Variants in FOXA3 observed in about 807,000 individuals in gnomAD.
The protein encoded by FOXA3 is hepatocyte nuclear factor 3-gamma.
In FOXA3, 11 loss-of-function variants were observed where a neutral mutation model predicts 16.9. That is an observed-to-expected ratio of 0.65 (90% CI 0.41 to 1.08). FOXA3 has a LOEUF of 1.08. Ranked by LOEUF, FOXA3 falls within the 50% of genes least tolerant of loss-of-function variation. The pLI is 0.00. For synonymous variants in FOXA3, 217 were observed against 203.3 expected (o/e 1.07, Z -0.57); for missense variants, 423 against 470.1 (o/e 0.90, Z 0.93).
chr19:45,865,810 A>G (rs995459240), intron 1 of FOXA3, among the ~76,000 whole-genome samples: 6 of 152,006 alleles, frequency 3.9e-5, no homozygotes, highest in South Asian at 2.1e-4. Context: ...AGGGAAAGGG[A>G]CTGGGAGTGT....
At position 45,872,328 on chromosome 19, in the gene FOXA3, G is replaced by A; in HGVS notation, c.323G>A (p.Gly108Glu). Residue 108 changes from glycine (G) to glutamate (E), a missense_variant, in exon 2 of 2, where the codon GGG (glycine) becomes GAG (glutamate). Gly to Glu is a moderately conservative substitution (Grantham distance 98). Transcript: ENST00000302177. This position sits in a 1 kb window ranked among gnomAD's most constrained non-coding sequence, Gnocchi z 4.5. Reference protein sequence around the residue: ...GLVHGKEMPKGYRRPLAHAKP... With the variant: ...GLVHGKEMPKEYRRPLAHAKP... ...GTGCACGGGAAGGAGATGCCGAAGG[G>A]GTATCGGCGGCCCCTGGCACACGCC... is the stretch of plus-strand genomic sequence containing the variant. 6.2e-7 allele frequency: 1 copy of A among 1,614,120 alleles called. No individual in the cohort carries two copies. The highest frequency in any genetic ancestry group is 8.5e-7 in the Non-Finnish European group (1 of 1,179,982).
At chr19:45,868,991 G>A (rs1972110222) in intron 1 of FOXA3, among the ~76,000 whole-genome samples, 1 of 152,184 alleles carries the variant, frequency 6.6e-6, no homozygotes, top group South Asian at 2.1e-4. Flanking sequence ...GCAGTGGCAC[G>A]ATCTTGGCTC....
At chr19:45,870,768 C>T (rs1239025308) in intron 1 of FOXA3, among the ~76,000 whole-genome samples, 1 of 151,888 alleles carries the variant, frequency 6.6e-6, no homozygotes, top group Non-Finnish European at 1.5e-5. Context: ...CAGGGTTTTG[C>T]CACGTTGCCA....
rs757162386 is a variant in FOXA3, at chr19:45,872,269, C to A, written c.264C>A (p.Ser88Arg). 1 of 1,611,244 alleles carries A rather than the reference C, an allele frequency of 6.2e-7. No individual in the cohort carries two copies. The highest frequency in any genetic ancestry group is 8.5e-7 in the Non-Finnish European group (1 of 1,177,798). Residue 88 changes from serine to arginine, a missense_variant, in exon 2 of 2, where the codon AGC becomes AGA. Around this residue, in one of 3 missense-constraint regions of FOXA3, gnomAD observed 170 missense variants for 153.9 expected, o/e 1.10. Coordinates refer to ENST00000302177, the MANE Select transcript of FOXA3 (RefSeq NM_004497.3). The surrounding 1 kb of genome is among the most constrained non-coding windows in gnomAD (Gnocchi z 4.5). ...FPGLGVSGGS[S>R]SSGYGAPGPG... ...GCCTGGGTGTCAGCGGTGGCAGCAG[C>A]AGCTCCGGGTACGGGGCCCCGGGTC...
At chr19:45,869,603 A>G (rs1972115557) in intron 1 of FOXA3, among the ~76,000 whole-genome samples, 1 of 152,162 alleles carries the variant, frequency 6.6e-6, no homozygotes, top group African/African-American at 2.4e-5. Flanking sequence ...TTTACAGTCA[A>G]CAGTGTCCTA....
intron 1 of FOXA3, among the ~76,000 whole-genome samples, chr19:45,868,729 G>T (rs1332958230): frequency 6.6e-6 from 1 of 152,158 alleles, no homozygotes; most frequent in African/African-American, 2.4e-5. Flanking sequence ...AGGCAGTGGG[G>T]AAAGGTCCAG....
intron 1 of FOXA3, among the ~76,000 whole-genome samples, chr19:45,867,759 G>A (rs1216831037): frequency 8.4e-6 from 1 of 119,730 alleles, no homozygotes; most frequent in Non-Finnish European, 1.6e-5. Flanking sequence ...CAGCCTGGGT[G>A]ACAGAGTGAG....
Position 45,872,542 on chromosome 19 carries a change from G to T in FOXA3, c.537G>T (p.Ala179=), listed in dbSNP as rs373998257. ...LSFNDCFVKV[A]RSPDKPGKGS... ...TCAACGACTGCTTCGTCAAGGTGGC[G>T]CGTTCCCCAGACAAGCCTGGCAAGG... Residue 179 remains alanine, a synonymous_variant, in exon 2 of 2, where the codon GCG becomes GCT. Transcript: ENST00000302177. This position sits in a 1 kb window ranked among gnomAD's most constrained non-coding sequence, Gnocchi z 4.5. 15 of 1,613,992 alleles carry T rather than the reference G, an allele frequency of 9.3e-6. No individual in the cohort carries two copies. In the Admixed American group the frequency reaches 2.5e-4, roughly 27 times the overall value.
chr19:45,864,630 C>G, intron 1 of FOXA3, 105 bp downstream of exon 1: 1 of 956,224 alleles, frequency 1.0e-6, no homozygotes, highest in Non-Finnish European at 1.4e-6. Flanking sequence ...GCAAAGGCGT[C>G]TACTTGGGCA....
Position 45,872,843 on chromosome 19 carries a change from A to C in FOXA3, c.838A>C (p.Thr280Pro). 3 of 1,613,572 alleles carry C rather than the reference A, an allele frequency of 1.9e-6. No homozygotes were observed. Among genetic ancestry groups the C allele is most frequent in the Non-Finnish European group, 8.5e-7 (1 of 1,180,002 alleles). The change falls in exon 2 of 2, where the codon ACA becomes CCA. Residue 280 changes from threonine to proline, a missense_variant. By Grantham distance (38) the Thr-to-Pro change is conservative. Coordinates refer to ENST00000302177, the MANE Select transcript of FOXA3 (RefSeq NM_004497.3). This position sits in a 1 kb window ranked among gnomAD's most constrained non-coding sequence, Gnocchi z 4.5. ...ALDCGSPASS[T>P]PYFTGLELPG... ...GGACTGTGGCTCACCCGCTTCCTCC[A>C]CACCCTATTTCACTGGCCTGGAGCT...
In FOXA3 at chr19:45,872,325, A is replaced by G; in HGVS notation, c.320A>G (p.Lys107Arg). ...CTGGTGCACGGGAAGGAGATGCCGA[A>G]GGGGTATCGGCGGCCCCTGGCACAC... ...PGLVHGKEMPKGYRRPLAHAK... is the reference protein window; with the variant it reads ...PGLVHGKEMPRGYRRPLAHAK... The change falls in exon 2 of 2, where the codon AAG becomes AGG. Residue 107 changes from lysine to arginine, a missense_variant. Lys to Arg is a conservative substitution (Grantham distance 26). Around this residue, in one of 3 missense-constraint regions of FOXA3, gnomAD observed 170 missense variants for 153.9 expected, o/e 1.10. Coordinates refer to ENST00000302177, the MANE Select transcript of FOXA3 (RefSeq NM_004497.3). This position sits in a 1 kb window ranked among gnomAD's most constrained non-coding sequence, Gnocchi z 4.5. The G allele has an allele frequency of 6.2e-7, 1 of 1,614,156 alleles. No individual in the cohort carries two copies. Among genetic ancestry groups the G allele is most frequent in the Non-Finnish European group, 8.5e-7 (1 of 1,180,000 alleles).
intron 1 of FOXA3, among the ~76,000 whole-genome samples, chr19:45,867,644 G>A (rs1433728041): frequency 1.3e-5 from 2 of 151,936 alleles, no homozygotes; most frequent in Non-Finnish European, 2.9e-5. Context: ...GCTGGGCATG[G>A]TGGTGCATGC....
In FOXA3 at chr19:45,872,990, G is replaced by A. The variant is rs771773512; in HGVS notation, c.985G>A (p.Ala329Thr). The part of the protein sequence containing the change: ...KLDVGFGGYG[A>T]EGGEPGVYYQ... ...GGACGTGGGGTTTGGGGGCTACGGG[G>A]CTGAAGGTGGGGAGCCTGGAGTCTA... Residue 329 changes from alanine (A) to threonine (T), a missense_variant, in exon 2 of 2, where the codon GCT becomes ACT. By Grantham distance (58) the Ala-to-Thr change is moderately conservative. Coordinates refer to ENST00000302177, the MANE Select transcript of FOXA3 (RefSeq NM_004497.3). The surrounding 1 kb of genome is among the most constrained non-coding windows in gnomAD (Gnocchi z 4.5). The A allele has an allele frequency of 1.1e-5, 17 of 1,613,628 alleles. No individual in the cohort carries two copies. The highest frequency in any genetic ancestry group is 1.3e-5 in the Non-Finnish European group (15 of 1,179,784).
At chr19:45,866,643 C>T (rs1000572163) in intron 1 of FOXA3, among the ~76,000 whole-genome samples, 1 of 152,090 alleles carries the variant, frequency 6.6e-6, no homozygotes, top group South Asian at 2.1e-4. Flanking sequence ...CACTTCTTGC[C>T]CATAGCACCC....
intron 1 of FOXA3, among the ~76,000 whole-genome samples, chr19:45,867,643 G>A (rs899031683): frequency 3.3e-5 from 5 of 151,896 alleles, no homozygotes; most frequent in Admixed American, 3.3e-4. Context: ...AGCTGGGCAT[G>A]GTGGTGCATG....
At chr19:45,868,697 A>G (rs971313327) in intron 1 of FOXA3, among the ~76,000 whole-genome samples, 1 of 151,806 alleles carries the variant, frequency 6.6e-6, no homozygotes, top group Non-Finnish European at 1.5e-5. Context: ...ACGCAGTGCC[A>G]TGAGACCCCA....
At chr19:45,870,354 T>TAGTAGAGAC (rs1355511842) in intron 1 of FOXA3, among the ~76,000 whole-genome samples, 1 of 151,094 alleles carries the variant, frequency 6.6e-6, no homozygotes, top group Non-Finnish European at 1.5e-5. Context: ...TTTGTATTTT[T>TAGTAGAGAC]AGTAGAGACA....
In FOXA3 at chr19:45,869,791, AT is replaced by A. The variant is rs71175234; in HGVS notation, c.70-2272del. 9.7e-4 allele frequency among the ~76,000 whole-genome samples: 145 copies of A among 149,064 alleles called. 1 individual carries two copies. Among genetic ancestry groups the A allele is most frequent in the African/African-American group, 2.3e-3 (94 of 40,724 alleles). On this transcript the variant is annotated intron_variant, in intron 1 of 1. Coordinates refer to ENST00000302177, the MANE Select transcript of FOXA3 (RefSeq NM_004497.3). ...TACAGTAATTTATTTTTATTTATTT[AT>A]TTTTTTTTTTTGAGACAGAGTCTTG...
chr19:45,866,923 G>A (rs548835721), intron 1 of FOXA3, among the ~76,000 whole-genome samples: 1 of 152,334 alleles, frequency 6.6e-6, no homozygotes, highest in South Asian at 2.1e-4. Context: ...ATAAGGAAAT[G>A]AAAGAGGAGA....
Sources: gnomAD v4.1 joint callset for allele counts (sites outside exome capture counted in the v4.1 genomes callset) on GRCh38, gnomAD v4.1.1 for gene constraint, gnomAD v4.1.1 regional missense constraint, Gnocchi (gnomAD v3.1) non-coding constraint, MANE v1.5 for transcripts, NCBI Gene and HGNC (gene_info 2026-07-23, HGNC 2026-07-21) for gene names.